NTN4: variants seen among roughly 807,000 people sequenced by gnomAD.
The protein encoded by NTN4 is netrin 4.
NTN4 carries 32 observed loss-of-function variants against 73.6 expected under a neutral mutation model. The ratio of observed to expected loss-of-function variants is 0.44; its 90% confidence interval spans 0.33 to 0.58. The LOEUF (loss-of-function observed/expected upper bound fraction) is 0.58, where lower values mean the gene tolerates loss of function less well. Among genes scored for constraint, NTN4 ranks in the 20% least tolerant of loss-of-function variants. The probability of loss-of-function intolerance (pLI) is 0.04; values close to 1 mark genes in which losing one functional copy is unlikely to be tolerated. For missense variants in NTN4, 654 were observed against 798.3 expected (o/e 0.82, Z 2.18); for synonymous variants, 258 against 287.5 (o/e 0.90, Z 1.04).
intron 5 of NTN4, among the ~76,000 whole-genome samples, chr12:95,695,591 C>G (rs1029343677): frequency 3.3e-5 from 5 of 152,130 alleles, no homozygotes; most frequent in African/African-American, 1.2e-4. Context: ...TCTTGAACTC[C>G]TGACCGCAAG....
chr12:95,701,691 T>C (rs1043037741), intron 5 of NTN4, among the ~76,000 whole-genome samples: 6 of 152,154 alleles, frequency 3.9e-5, no homozygotes, highest in Non-Finnish European at 7.3e-5. Context: ...TTATAACCAT[T>C]AAGTAAAAAT....
chr12:95,740,576 TA>T (rs2078816787), intron 2 of NTN4, among the ~76,000 whole-genome samples: 1 of 152,240 alleles, frequency 6.6e-6, no homozygotes, highest in African/African-American at 2.4e-5. Flanking sequence ...TCTCATTTTT[TA>T]ATTAAGAACT....
At chr12:95,699,931 T>C (rs1033070181) in intron 5 of NTN4, among the ~76,000 whole-genome samples, 3 of 152,172 alleles carry the variant, frequency 2.0e-5, no homozygotes, top group Non-Finnish European at 4.4e-5. Context: ...AGAAAGACTA[T>C]GTAATAGTTT....
At chr12:95,745,015 T>C (rs1337718310) in intron 2 of NTN4, among the ~76,000 whole-genome samples, 1 of 152,110 alleles carries the variant, frequency 6.6e-6, no homozygotes, top group African/African-American at 2.4e-5. Context: ...AAAGCTTTTG[T>C]CATTCTTAGA....
intron 4 of NTN4, among the ~76,000 whole-genome samples, chr12:95,711,022 C>T (rs1256749396): frequency 1.3e-5 from 2 of 152,114 alleles, no homozygotes; most frequent in Non-Finnish European, 2.9e-5. Flanking sequence ...ATAGGATAAA[C>T]TGATTGTTAA....
In NTN4 at chr12:95,708,624, G is replaced by A. The variant is rs1250369454; in HGVS notation, c.1180+1817C>T. The stretch of plus-strand genomic sequence containing the variant: ...GGGTCTTCTTCTGTTGCCCAGGCTG[G>A]TCTCAAACTCCTCGGCTCAAGTGAT... On this transcript the variant is annotated intron_variant, in intron 5 of 9. Coordinates refer to ENST00000343702, the MANE Select transcript of NTN4 (RefSeq NM_021229.4). 2.0e-5 allele frequency among the ~76,000 whole-genome samples: 3 copies of A among 151,878 alleles called. No homozygotes were observed. The East Asian group carries it at 5.8e-4, about 29-fold the overall frequency.
intron 1 of NTN4, among the ~76,000 whole-genome samples, chr12:95,788,285 C>T (rs1429577907): frequency 6.6e-6 from 1 of 152,228 alleles, no homozygotes; most frequent in African/African-American, 2.4e-5. Context: ...TGTCTACAGT[C>T]TGGCAGCCAC....
chr12:95,744,902 T>G (rs1185112734), intron 2 of NTN4, among the ~76,000 whole-genome samples: 1 of 149,066 alleles, frequency 6.7e-6, no homozygotes, highest in South Asian at 2.1e-4. Context: ...TTTTGTAAAA[T>G]ATTTTTTGCT....
intron 2 of NTN4, among the ~76,000 whole-genome samples, chr12:95,762,981 T>C (rs2121249788): frequency 6.6e-6 from 1 of 152,358 alleles, no homozygotes; most frequent in Middle Eastern, 3.4e-3. Context: ...TCTCTCATCA[T>C]CAGTGTCATT....
At chr12:95,706,448 T>C (rs571312292) in intron 5 of NTN4, among the ~76,000 whole-genome samples, 1 of 152,370 alleles carries the variant, frequency 6.6e-6, no homozygotes, top group South Asian at 2.1e-4. Context: ...CTTATGACTT[T>C]ACAAAGCCAA....
At chr12:95,686,674 C>T (rs2078363412) in intron 5 of NTN4, among the ~76,000 whole-genome samples, 1 of 151,460 alleles carries the variant, frequency 6.6e-6, no homozygotes, top group Admixed American at 6.6e-5. Flanking sequence ...AGGAGAATCG[C>T]TTGAACCTGG....
chr12:95,756,915 A>G (rs1236309305), intron 2 of NTN4, among the ~76,000 whole-genome samples: 3 of 151,840 alleles, frequency 2.0e-5, no homozygotes, highest in African/African-American at 2.4e-5. Flanking sequence ...TACTTGGTCA[A>G]CTCATGCCAA....
intron 2 of NTN4, among the ~76,000 whole-genome samples, chr12:95,750,861 G>C (rs1487851838): frequency 4.0e-5 from 6 of 150,798 alleles, no homozygotes; most frequent in East Asian, 1.9e-4. Context: ...CTCACACCTG[G>C]TCCGGCTTAC....
chr12:95,766,413 T>A (rs564081949), intron 2 of NTN4, among the ~76,000 whole-genome samples: 3 of 152,352 alleles, frequency 2.0e-5, no homozygotes, highest in East Asian at 3.9e-4. Flanking sequence ...CTTTTCTCAC[T>A]GTAGATCATT....
At chr12:95,776,965 G>A (rs1338353997) in intron 2 of NTN4, among the ~76,000 whole-genome samples, 1 of 152,118 alleles carries the variant, frequency 6.6e-6, no homozygotes, top group African/African-American at 2.4e-5. Flanking sequence ...CTGATCTCTT[G>A]GTGGAAACTC....
intron 5 of NTN4, among the ~76,000 whole-genome samples, chr12:95,688,868 T>C (rs1382389844): frequency 1.3e-5 from 2 of 151,260 alleles, no homozygotes; most frequent in Admixed American, 6.6e-5. Flanking sequence ...CGATGGACAA[T>C]AGGCCAGCAA....
At chr12:95,679,649 A>G (rs1396085561) in intron 7 of NTN4, among the ~76,000 whole-genome samples, 1 of 152,106 alleles carries the variant, frequency 6.6e-6, no homozygotes, top group Non-Finnish European at 1.5e-5. Context: ...AAAAACCTCA[A>G]CCCAGCTTAA....
At chr12:95,774,186 T>TAAAAA (rs61303419) in intron 2 of NTN4, among the ~76,000 whole-genome samples, 1 of 148,804 alleles carries the variant, frequency 6.7e-6, no homozygotes, top group East Asian at 2.0e-4. Context: ...TTTTTTTTTT[T>TAAAAA]AAAAAAAAAA....
intron 2 of NTN4, among the ~76,000 whole-genome samples, chr12:95,761,602 G>T (rs1043494993): frequency 6.6e-6 from 1 of 152,068 alleles, no homozygotes; most frequent in Non-Finnish European, 1.5e-5. Flanking sequence ...CAAAGTGCTG[G>T]AATTACAGGC....
Sources: allele counts gnomAD v4.1 joint callset (sites outside exome capture counted in the v4.1 genomes callset), GRCh38; gene constraint gnomAD v4.1.1; transcripts MANE v1.5; gene names NCBI Gene and HGNC (gene_info 2026-07-23, HGNC 2026-07-21).